TMEM200A: variants seen among roughly 807,000 people sequenced by gnomAD.
TMEM200A encodes the protein transmembrane protein 200A.
A neutral mutation model predicts 24.3 loss-of-function variants in TMEM200A; 12 were observed. The ratio of observed to expected loss-of-function variants is 0.49; its 90% CI spans 0.32 to 0.80. TMEM200A has a LOEUF of 0.80. Among genes scored for constraint, TMEM200A ranks in the 30% least tolerant of loss-of-function variants. The probability of loss-of-function intolerance (pLI) is 0.04; values close to 1 mark genes in which losing one functional copy is unlikely to be tolerated. For synonymous variants in TMEM200A, 224 were observed against 224.4 expected (o/e 1.00, Z 0.02); for missense variants, 545 against 614.4 (o/e 0.89, Z 1.19).
upstream of TMEM200A, chr6:130,365,572 T>C (rs937243236): frequency 5.5e-5 from 54 of 985,194 alleles, no homozygotes; most frequent in Middle Eastern, 5.2e-4. Context: ...GCGAGTCGGC[T>C]GGAGCTCCCC....
intron 2 of TMEM200A, among the ~76,000 whole-genome samples, chr6:130,404,025 T>C (rs9492580): frequency 0.25 from 37,690 of 152,094 alleles, 5,761 homozygotes; most frequent in African/African-American, 0.43. Flanking sequence ...TATGACTGCA[T>C]AGTATTCCAT....
intron 2 of TMEM200A, among the ~76,000 whole-genome samples, chr6:130,406,850 T>G (rs1473734150): frequency 6.6e-6 from 1 of 152,204 alleles, no homozygotes; most frequent in African/African-American, 2.4e-5. Context: ...TCTTTATGTC[T>G]TAGCCTCCCA....
intron 1 of TMEM200A, among the ~76,000 whole-genome samples, chr6:130,372,818 G>C (rs1051588204): frequency 6.6e-6 from 1 of 152,172 alleles, no homozygotes; most frequent in African/African-American, 2.4e-5. Context: ...TATAAAAATA[G>C]AAGTATTTAT....
intron 2 of TMEM200A, among the ~76,000 whole-genome samples, chr6:130,423,267 A>G (rs755865734): frequency 2.4e-4 from 36 of 152,206 alleles, no homozygotes; most frequent in Admixed American, 1.9e-3. Flanking sequence ...GAATATAGAC[A>G]GCTGTGTATA....
At position 130,394,334 on chromosome 6, in the gene TMEM200A, C is replaced by T. The variant is rs192081360; in HGVS notation, c.-17+9098C>T. Among the ~76,000 whole-genome samples the T allele has an allele frequency of 2.1e-4, 32 of 152,302 alleles. 1 individual carries two copies. Among genetic ancestry groups the T allele is most frequent in the Admixed American group, 1.9e-3 (29 of 15,294 alleles). On this transcript the variant is annotated intron_variant, in intron 2 of 2. Coordinates refer to ENST00000296978, the MANE Select transcript of TMEM200A (RefSeq NM_001258277.2). ...GTTTCACAACTGTCATATTGAAATT[C>T]CCTTTCGCACCCACAGAAGGGAATA...
intron 2 of TMEM200A, among the ~76,000 whole-genome samples, chr6:130,395,288 T>C (rs1303776591): frequency 6.6e-6 from 1 of 152,166 alleles, no homozygotes; most frequent in African/African-American, 2.4e-5. Flanking sequence ...CAGTAGTTTT[T>C]CCCTTTCCCA....
intron 1 of TMEM200A, among the ~76,000 whole-genome samples, chr6:130,367,380 G>T (rs1363862287): frequency 2.6e-5 from 4 of 152,122 alleles, no homozygotes; most frequent in Non-Finnish European, 5.9e-5. Flanking sequence ...AAGAATCGAT[G>T]ATTATTCTTG....
At chr6:130,397,826 G>T (rs1391599539) in intron 2 of TMEM200A, among the ~76,000 whole-genome samples, 2 of 150,850 alleles carry the variant, frequency 1.3e-5, no homozygotes, top group Non-Finnish European at 3.0e-5. Flanking sequence ...GCTTTGGAAG[G>T]TATACATTTT....
chr6:130,412,232 C>A (rs984985680), intron 2 of TMEM200A, among the ~76,000 whole-genome samples: 2 of 149,868 alleles, frequency 1.3e-5, no homozygotes, highest in East Asian at 3.9e-4. Context: ...TATTTAGAAA[C>A]CAAGGTCTGA....
intron 2 of TMEM200A, among the ~76,000 whole-genome samples, chr6:130,394,883 G>C (rs1013049903): frequency 1.3e-5 from 2 of 152,244 alleles, no homozygotes; most frequent in East Asian, 3.9e-4. Context: ...AAACTTGTAC[G>C]AGGGTAAGGA....
intron 2 of TMEM200A, among the ~76,000 whole-genome samples, chr6:130,396,380 T>A (rs1361512820): frequency 6.6e-6 from 1 of 150,804 alleles, no homozygotes; most frequent in Non-Finnish European, 1.5e-5. Flanking sequence ...TTTTTTTTTT[T>A]AAACTAAGAA....
In TMEM200A at chr6:130,441,021, C is replaced by T; in HGVS notation, c.599C>T (p.Ser200Phe). ...ACAGAAGTAAAACAGAATGGGAGCT[C>T]CTGTGCCTCGAGATTGGCAGCAAAT... ...GETEVKQNGS[S>F]CASRLAANTI... The change falls in exon 3 of 3, where the codon TCC becomes TTC. Residue 200 changes from serine to phenylalanine, a missense_variant. Transcript: ENST00000296978. 6.2e-7 allele frequency: 1 copy of T among 1,613,956 alleles called. No individual in the cohort carries two copies. Among genetic ancestry groups the T allele is most frequent in the Non-Finnish European group, 8.5e-7 (1 of 1,179,960 alleles).
intron 1 of TMEM200A, among the ~76,000 whole-genome samples, chr6:130,382,343 C>T (rs2115091589): frequency 6.6e-6 from 1 of 152,338 alleles, no homozygotes; most frequent in East Asian, 1.9e-4. Context: ...CACCTGGTTA[C>T]ACTTGCCCTG....
At chr6:130,380,280 T>G (rs1428858878) in intron 1 of TMEM200A, among the ~76,000 whole-genome samples, 2 of 152,236 alleles carry the variant, frequency 1.3e-5, no homozygotes, top group African/African-American at 4.8e-5. Flanking sequence ...ATGACTAATA[T>G]AATCTTACTG....
chr6:130,382,100 C>T (rs1170435869), intron 1 of TMEM200A: 2 of 388,800 alleles, frequency 5.1e-6, no homozygotes, highest in Non-Finnish European at 7.0e-6. Flanking sequence ...ATTTGAAAAT[C>T]ACAGGAGGAT....
rs117054142 is a variant in TMEM200A, at chr6:130,405,374, C to T, written c.-17+20138C>T. The stretch of plus-strand genomic sequence containing the variant: ...TCTCCTTGTAGAGATCTTTCACCTC[C>T]CTAGTTAGCCGTATTCCTGGGTATT... On this transcript the variant is annotated intron_variant, in intron 2 of 2. Coordinates refer to ENST00000296978, the MANE Select transcript of TMEM200A (RefSeq NM_001258277.2). 2.4e-3 allele frequency among the ~76,000 whole-genome samples: 366 copies of T among 152,242 alleles called. 1 individual carries two copies. Among genetic ancestry groups the T allele is most frequent in the Middle Eastern group, 6.8e-3 (2 of 294 alleles).
intron 2 of TMEM200A, among the ~76,000 whole-genome samples, chr6:130,432,590 G>A (rs1779904347): frequency 6.6e-6 from 1 of 152,186 alleles, no homozygotes. Context: ...TAATTACTTA[G>A]TATATTTTTA....
At chr6:130,381,952 C>T (rs1438611498) in intron 1 of TMEM200A, 1 of 985,326 alleles carries the variant, frequency 1.0e-6, no homozygotes, top group Admixed American at 6.1e-5. Flanking sequence ...CCAGAACACA[C>T]TGCCATCTGG....
chr6:130,422,518 C>T (rs564700115), intron 2 of TMEM200A, among the ~76,000 whole-genome samples: 3 of 152,126 alleles, frequency 2.0e-5, no homozygotes, highest in East Asian at 3.8e-4. Flanking sequence ...CTGCCTGCCT[C>T]GGCCTCCCAA....
Sources: allele counts gnomAD v4.1 joint callset (sites outside exome capture counted in the v4.1 genomes callset), GRCh38; gene constraint gnomAD v4.1.1; transcripts MANE v1.5; gene names NCBI Gene and HGNC (gene_info 2026-07-23, HGNC 2026-07-21).